PPP3CA: variants seen among roughly 807,000 people sequenced by gnomAD.
The protein encoded by PPP3CA is protein phosphatase 3 catalytic subunit alpha, also known as CAM-PRP catalytic subunit.
PPP3CA carries 14 observed loss-of-function variants against 66.5 expected under a neutral mutation model. The ratio of observed to expected loss-of-function variants is 0.21; its 90% CI spans 0.14 to 0.33. The LOEUF is 0.33. Ranked by LOEUF, PPP3CA falls within the 10% of genes least tolerant of loss-of-function variation. The pLI, the probability that PPP3CA is intolerant of heterozygous loss-of-function variation, is 1.00. For missense variants in PPP3CA, 317 were observed against 639.5 expected, an observed-to-expected ratio of 0.50 and a Z score of 5.44; for synonymous variants, 232 against 226.2, an observed-to-expected ratio of 1.03 and a Z score of -0.23.
At chr4:101,201,305 G>T (rs1031894197) in intron 1 of PPP3CA, among the ~76,000 whole-genome samples, 5 of 152,076 alleles carry the variant, frequency 3.3e-5, no homozygotes, top group African/African-American at 4.8e-5. Context: ...TCCCAACTTT[G>T]GTTTAATTTC....
chr4:101,262,258 A>G (rs1379923942), intron 1 of PPP3CA, among the ~76,000 whole-genome samples: 1 of 152,116 alleles, frequency 6.6e-6, no homozygotes, highest in African/African-American at 2.4e-5. Flanking sequence ...GAAATTAATA[A>G]CAAGAGTATA....
chr4:101,342,467 G>T (rs939787585), intron 1 of PPP3CA, among the ~76,000 whole-genome samples: 1 of 152,012 alleles, frequency 6.6e-6, no homozygotes, highest in South Asian at 2.1e-4. Flanking sequence ...AACTCGTAAC[G>T]AACAGGATGA....
At chr4:101,298,429 T>A (rs972943917) in intron 1 of PPP3CA, among the ~76,000 whole-genome samples, 5 of 151,832 alleles carry the variant, frequency 3.3e-5, no homozygotes, top group African/African-American at 1.2e-4. Context: ...TTTTTTTCAT[T>A]AAGTTATACA....
intron 1 of PPP3CA, among the ~76,000 whole-genome samples, chr4:101,337,963 G>A (rs1729689994): frequency 6.6e-6 from 1 of 152,210 alleles, no homozygotes; most frequent in South Asian, 2.1e-4. Context: ...TACACAGTAA[G>A]TTATCACCTA....
intron 10 of PPP3CA, among the ~76,000 whole-genome samples, chr4:101,057,041 A>G (rs111782897): frequency 0.015 from 2,322 of 151,882 alleles, 57 homozygotes; most frequent in African/African-American, 0.052. Context: ...GAAATATATA[A>G]TATCTTAAGT....
intron 2 of PPP3CA, among the ~76,000 whole-genome samples, chr4:101,126,023 G>A (rs1260300729): frequency 6.6e-6 from 1 of 152,022 alleles, no homozygotes; most frequent in Non-Finnish European, 1.5e-5. Flanking sequence ...GAGATGTGCA[G>A]GTAAATTTAT....
At chr4:101,120,597 T>C (rs895958643) in intron 2 of PPP3CA, among the ~76,000 whole-genome samples, 1 of 151,262 alleles carries the variant, frequency 6.6e-6, no homozygotes, top group Non-Finnish European at 1.5e-5. Context: ...ACTTTTATAA[T>C]GATGTTTTCA....
chr4:101,030,626 C>T (rs562355925), intron 12 of PPP3CA, among the ~76,000 whole-genome samples: 1 of 151,922 alleles, frequency 6.6e-6, no homozygotes, highest in African/African-American at 2.4e-5. Flanking sequence ...AGTAAAAACA[C>T]AAGTGAAAAT....
chr4:101,280,537 G>A (rs1050801827), intron 1 of PPP3CA, among the ~76,000 whole-genome samples: 1 of 152,002 alleles, frequency 6.6e-6, no homozygotes, highest in Non-Finnish European at 1.5e-5. Flanking sequence ...AACTGGAAAC[G>A]GACCAGGTGT....
intron 1 of PPP3CA, among the ~76,000 whole-genome samples, chr4:101,205,782 G>C (rs1725113455): frequency 6.6e-6 from 1 of 152,086 alleles, no homozygotes; most frequent in African/African-American, 2.4e-5. Context: ...TGTCCCAAAT[G>C]ATACCAAATA....
At chr4:101,127,894 T>C (rs1444105366) in intron 2 of PPP3CA, among the ~76,000 whole-genome samples, 1 of 151,612 alleles carries the variant, frequency 6.6e-6, no homozygotes, top group Admixed American at 6.6e-5. Flanking sequence ...GATGGAGAAT[T>C]GAGAAAGATT....
At chr4:101,052,859 A>G (rs1728070175) in intron 10 of PPP3CA, among the ~76,000 whole-genome samples, 1 of 152,064 alleles carries the variant, frequency 6.6e-6, no homozygotes. Flanking sequence ...GCTTTTCAGA[A>G]GTAGAAAAAG....
chr4:101,252,743 G>T (rs527872243), intron 1 of PPP3CA, among the ~76,000 whole-genome samples: 4 of 152,240 alleles, frequency 2.6e-5, no homozygotes, highest in African/African-American at 7.2e-5. Context: ...TTTGCAGCCT[G>T]GCTCAGAGGC....
intron 1 of PPP3CA, among the ~76,000 whole-genome samples, chr4:101,245,372 T>C (rs140583900): frequency 0.011 from 1,608 of 152,326 alleles, 17 homozygotes; most frequent in Middle Eastern, 0.061. Context: ...TTCTCATCTT[T>C]TTATCCCGAA....
chr4:101,176,583 T>C (rs1397778132), intron 2 of PPP3CA, among the ~76,000 whole-genome samples: 1 of 152,176 alleles, frequency 6.6e-6, no homozygotes, highest in Non-Finnish European at 1.5e-5. Flanking sequence ...TAAAATTATA[T>C]GACTATTTAG....
intron 5 of PPP3CA, among the ~76,000 whole-genome samples, chr4:101,094,462 TA>T (rs1293350896): frequency 6.6e-6 from 1 of 152,200 alleles, no homozygotes; most frequent in Non-Finnish European, 1.5e-5. Flanking sequence ...GCTTTTACTT[TA>T]AAAGTAGCCA....
chr4:101,338,807 A>G (rs1729718062), intron 1 of PPP3CA, among the ~76,000 whole-genome samples: 1 of 152,242 alleles, frequency 6.6e-6, no homozygotes, highest in Non-Finnish European at 1.5e-5. Context: ...CTTTAATAGC[A>G]TTAAATATAC....
In PPP3CA at chr4:101,242,017, T is replaced by G. The variant is rs116570840; in HGVS notation, c.59-45901A>C. 4.6e-3 allele frequency among the ~76,000 whole-genome samples: 697 copies of G among 152,286 alleles called. 4 individuals carry two copies. Among genetic ancestry groups the G allele is most frequent in the African/African-American group, 0.015 (644 of 41,572 alleles). ...ATAAGATATCAGTTTTATGGCATCTTATCAATTACATAACCTGTTTCACTC... is the reference window on the plus strand; with the variant it reads ...ATAAGATATCAGTTTTATGGCATCTGATCAATTACATAACCTGTTTCACTC... On this transcript the variant is annotated intron_variant, in intron 1 of 13. Transcript: ENST00000394854.
chr4:101,095,269 A>C (rs1394512186), intron 5 of PPP3CA, among the ~76,000 whole-genome samples: 1 of 152,170 alleles, frequency 6.6e-6, no homozygotes, highest in Non-Finnish European at 1.5e-5. Context: ...ATAACTTATT[A>C]AGGGTAGGAC....
Sources: allele counts gnomAD v4.1 joint callset (sites outside exome capture counted in the v4.1 genomes callset), GRCh38; gene constraint gnomAD v4.1.1; transcripts MANE v1.5; gene names NCBI Gene and HGNC (gene_info 2026-07-23, HGNC 2026-07-21).